The following MACF1 variants were observed in gnomAD, a reference collection of about 807,000 sequenced individuals.
MACF1 encodes microtubule actin crosslinking factor 1.
A neutral mutation model predicts 854.8 loss-of-function variants in MACF1; 193 were observed. The ratio of observed to expected loss-of-function variants is 0.23; its 90% CI spans 0.20 to 0.25. MACF1 has a LOEUF of 0.25. Among genes scored for constraint, MACF1 ranks in the 10% least tolerant of loss-of-function variants. The pLI is 1.00. For missense variants in MACF1, 7,722 were observed against 8,929.1 expected, an observed-to-expected ratio of 0.86 and a Z score of 5.45; for synonymous variants, 3,185 against 3,226.7, an observed-to-expected ratio of 0.99 and a Z score of 0.44.
chr1:39,477,133 T>TAC (rs1243959585), intron 97 of MACF1, among the ~76,000 whole-genome samples: 2,251 of 98,782 alleles, frequency 0.023, 222 homozygotes, highest in African/African-American at 0.09. Context: ...TATATATATA[T>TAC]ATACACACAC....
chr1:39,423,991 G>C (rs1438803862), intron 60 of MACF1, 37 bp from the exon 61 acceptor site: 2 of 1,519,022 alleles, frequency 1.3e-6, no homozygotes, highest in Admixed American at 3.9e-5. Context: ...ATTTCAAAAT[G>C]ATCCTGTGTT....
At chr1:39,145,631 T>TTTGTGATGACTTGC in intron 2 of MACF1, among the ~76,000 whole-genome samples, 1 of 152,306 alleles carries the variant, frequency 6.6e-6, no homozygotes, top group Non-Finnish European at 1.5e-5. Context: ...AAGGCTCTTG[T>TTTGTGATGACTTGC]TTGTGATGAC....
At chr1:39,363,000 G>A (rs1648341644) in intron 49 of MACF1, among the ~76,000 whole-genome samples, 1 of 152,084 alleles carries the variant, frequency 6.6e-6, no homozygotes, top group African/African-American at 2.4e-5. Context: ...ATAAATATAA[G>A]ATAGTTTTAG....
intron 20 of MACF1, among the ~76,000 whole-genome samples, chr1:39,296,238 A>G (rs1374783017): frequency 6.6e-6 from 1 of 152,170 alleles, no homozygotes; most frequent in African/African-American, 2.4e-5. Context: ...TTTCATAAGC[A>G]GCAAGAGAGA....
intron 2 of MACF1, among the ~76,000 whole-genome samples, chr1:39,121,335 A>T (rs1642704662): frequency 6.6e-6 from 1 of 152,200 alleles, no homozygotes; most frequent in Admixed American, 6.5e-5. Flanking sequence ...ACTAATGTGT[A>T]TTATGGACTT....
intron 1 of MACF1, among the ~76,000 whole-genome samples, chr1:39,212,775 G>T (rs549533167): frequency 6.6e-6 from 1 of 151,912 alleles, no homozygotes; most frequent in African/African-American, 2.4e-5. Flanking sequence ...GGCATGTGCC[G>T]CCATGCCCGG....
intron 23 of MACF1, among the ~76,000 whole-genome samples, chr1:39,306,273 G>A (rs1646173426): frequency 2.0e-5 from 3 of 151,618 alleles, no homozygotes; most frequent in African/African-American, 7.3e-5. Flanking sequence ...GATTACAGGT[G>A]TGTGCCACCA....
chr1:39,190,729 G>A (rs11205739), intron 2 of MACF1, among the ~76,000 whole-genome samples: 90,543 of 151,774 alleles, frequency 0.6, 29,053 homozygotes, highest in South Asian at 0.77. Context: ...GAGGTGGTGC[G>A]GTGGCCTGTA....
chr1:39,180,946 G>T (rs979855108), intron 2 of MACF1, among the ~76,000 whole-genome samples: 1 of 152,080 alleles, frequency 6.6e-6, no homozygotes, highest in African/African-American at 2.4e-5. Flanking sequence ...TGGCTCTGTT[G>T]CCCAGGCTCG....
chr1:39,324,473 T>C (rs1035438576), intron 34 of MACF1, 128 bp downstream of exon 34: 2 of 1,255,440 alleles, frequency 1.6e-6, no homozygotes, highest in East Asian at 2.5e-5. Context: ...TTAAAGAAAC[T>C]TAAGAAGCCA....
At chr1:39,117,978 T>C (rs931843751) in intron 2 of MACF1, among the ~76,000 whole-genome samples, 1 of 152,264 alleles carries the variant, frequency 6.6e-6, no homozygotes, top group Non-Finnish European at 1.5e-5. Context: ...GGCCCTTTGA[T>C]GCCAGGTAAT....
Position 39,335,190 on chromosome 1 carries a change from A to T in MACF1, c.8602A>T (p.Ile2868Leu), listed in dbSNP as rs1646789904. Residue 2868 changes from isoleucine (I) to leucine (L), a missense_variant, in exon 37 of 101, where the codon ATA (isoleucine) becomes TTA (leucine). Physicochemically the swap from Ile to Leu is conservative, Grantham distance 5 (BLOSUM62 2). Coordinates refer to ENST00000564288, the MANE Select transcript of MACF1 (RefSeq NM_001394062.1). ...SSDAKEFISI[I>L]NPHNLKGKSL... ...AGATGCTAAAGAATTTATCAGTATCATAAATCCTCATAATCTTAAAGGTAA... is the reference window on the plus strand; with the variant it reads ...AGATGCTAAAGAATTTATCAGTATCTTAAATCCTCATAATCTTAAAGGTAA... 2.5e-6 allele frequency: 4 copies of T among 1,614,062 alleles called. No homozygotes were observed. The highest frequency in any genetic ancestry group is 2.5e-6 in the Non-Finnish European group (3 of 1,179,964).
rs1030411514 is a variant in MACF1 at position 39,450,359 on chromosome 1, G to T, written c.20259-693G>T. On this transcript the variant is annotated intron_variant, in intron 84 of 100. Transcript: ENST00000564288. ...CAAGGAGATGAAGAAACAGCCTAGG[G>T]TCACACAACTGATACAGAGCTAGGA... Among the ~76,000 whole-genome samples the T allele has an allele frequency of 7.2e-5, 11 of 151,966 alleles. No homozygotes were observed. In the South Asian group the frequency reaches 1.9e-3, roughly 26 times the overall value.
intron 89 of MACF1, 117 bp downstream of exon 89, chr1:39,455,214 C>T: frequency 2.1e-6 from 2 of 967,720 alleles, no homozygotes; most frequent in Non-Finnish European, 3.1e-6. Context: ...ACAGACTTAG[C>T]ACTGTAAAAC....
At chr1:39,452,939 G>A (rs1463189720) in intron 87 of MACF1, 127 bp downstream of exon 87, 1 of 1,092,182 alleles carries the variant, frequency 9.2e-7, no homozygotes, top group East Asian at 2.5e-5. Flanking sequence ...AACCAGAGTG[G>A]CCCTAGCTCA....
At chr1:39,149,557 T>TAAATA (rs773319381) in intron 2 of MACF1, among the ~76,000 whole-genome samples, 66 of 151,234 alleles carry the variant, frequency 4.4e-4, no homozygotes, top group African/African-American at 1.3e-3. Flanking sequence ...TAAAAATAAA[T>TAAATA]AAATAAAATA....
chr1:39,232,746 GTTTTTTT>G (rs10712180), intron 2 of MACF1, among the ~76,000 whole-genome samples: 5 of 128,488 alleles, frequency 3.9e-5, no homozygotes, highest in Non-Finnish European at 6.7e-5. Context: ...TACTCTCTTT[GTTTTTTT>G]TTTTTTTTTT....
intron 97 of MACF1, among the ~76,000 whole-genome samples, chr1:39,477,072 T>C (rs138263208): frequency 5.5e-5 from 3 of 54,112 alleles, no homozygotes; most frequent in African/African-American, 9.7e-5. Context: ...TATATATATA[T>C]ATATATATAT....
At chr1:39,235,649 C>T (rs1644852297) in intron 2 of MACF1, among the ~76,000 whole-genome samples, 1 of 152,158 alleles carries the variant, frequency 6.6e-6, no homozygotes, top group Non-Finnish European at 1.5e-5. Flanking sequence ...GTGTCTGTTG[C>T]CTTGACCATT....
Sources: allele counts gnomAD v4.1 joint callset (sites outside exome capture counted in the v4.1 genomes callset), GRCh38; gene constraint gnomAD v4.1.1; transcripts MANE v1.5; gene names NCBI Gene and HGNC (gene_info 2026-07-23, HGNC 2026-07-21).